The following CFH variants were observed in gnomAD, a reference collection of about 807,000 sequenced individuals.
CFH encodes the protein complement factor H, also known as H factor 1 (complement).
Under a neutral mutation model 147.3 loss-of-function variants are expected in CFH, and 53 were observed. The ratio of observed to expected loss-of-function variants is 0.36; its 90% CI spans 0.29 to 0.45. The LOEUF (loss-of-function observed/expected upper bound fraction) is 0.45, where lower values mean the gene tolerates loss of function less well. Ranked by LOEUF, CFH falls within the 20% of genes least tolerant of loss-of-function variation. The probability of loss-of-function intolerance (pLI) is 1.00; values close to 1 mark genes in which losing one functional copy is unlikely to be tolerated. For synonymous variants in CFH, 536 were observed against 489.4 expected (o/e 1.10, Z -1.26); for missense variants, 1,380 against 1,498.0 (o/e 0.92, Z 1.30).
At chr1:196,721,589 T>C (rs2149106444) in intron 11 of CFH, among the ~76,000 whole-genome samples, 1 of 152,100 alleles carries the variant, frequency 6.6e-6, no homozygotes, top group South Asian at 2.1e-4. Flanking sequence ...TACAGTCCAA[T>C]TTAAGTATGA....
At chr1:196,709,962 A>ATCACGCTACTGCAGTGAGG (rs1668685386) in intron 9 of CFH, among the ~76,000 whole-genome samples, 1 of 152,064 alleles carries the variant, frequency 6.6e-6, no homozygotes, top group African/African-American at 2.4e-5. Flanking sequence ...GTGAGCTGTG[A>ATCACGCTACTGCAGTGAGG]TCACGCTACT....
rs1437714694 is a variant in CFH at position 196,726,610 on chromosome 1, CA to C, written c.2016del (p.Gln672HisfsTer54). The stretch of plus-strand genomic sequence containing the variant: ...TCTAATGAAGGGACCTAATAAAATT[CA>C]ATGTGTTGATGGAGAGTGGACAACT... ...RFLMKGPNKIQCVDGEWTTLP... is the reference protein window; with the variant it reads ...RFLMKGPNKIXCVDGEWTTLP... On this transcript the variant is annotated frameshift_variant, in exon 13 of 22. Transcript: ENST00000367429. LOFTEE classifies it high-confidence loss of function. 1 of 1,611,982 alleles carries C rather than the reference CA, an allele frequency of 6.2e-7. No individual in the cohort carries two copies. Among genetic ancestry groups the C allele is most frequent in the Non-Finnish European group, 8.5e-7 (1 of 1,178,206 alleles).
intron 1 of CFH, among the ~76,000 whole-genome samples, chr1:196,656,405 C>T (rs1666693052): frequency 6.6e-6 from 1 of 151,766 alleles, no homozygotes; most frequent in Non-Finnish European, 1.5e-5. Context: ...GCTTAGGACA[C>T]ATAGGTCAGA....
intron 6 of CFH, among the ~76,000 whole-genome samples, chr1:196,682,931 A>G (rs1254407278): frequency 6.6e-6 from 1 of 151,568 alleles, no homozygotes; most frequent in Non-Finnish European, 1.5e-5. Flanking sequence ...CAGTGGAAGT[A>G]TGGTATTGAG....
chr1:196,674,951 A>G (rs1667405431), intron 3 of CFH, among the ~76,000 whole-genome samples: 1 of 152,182 alleles, frequency 6.6e-6, no homozygotes, highest in Non-Finnish European at 1.5e-5. Context: ...ATAATTTCTT[A>G]TGAATTTATT....
intron 1 of CFH, among the ~76,000 whole-genome samples, chr1:196,656,236 G>A (rs768378010): frequency 3.3e-5 from 5 of 151,686 alleles, no homozygotes; most frequent in South Asian, 2.1e-4. Context: ...TCAGGGAGGC[G>A]GAGGTTGCAG....
chr1:196,731,677 G>A (rs1345255369), intron 15 of CFH, among the ~76,000 whole-genome samples: 3 of 151,864 alleles, frequency 2.0e-5, no homozygotes, highest in Non-Finnish European at 4.4e-5. Flanking sequence ...TGTAAGGCAG[G>A]AAAGTGTCCT....
rs1324970206 is a variant in CFH at position 196,665,510 on chromosome 1, TTAGTC to T, written c.59-7465_59-7461del. On this transcript the variant is annotated intron_variant, in intron 1 of 21. Transcript: ENST00000367429. ...TTTAAATTTGTTTAAACCTAACTCT[TTAGTC>T]TACCTGGCATTTGTGTGCATGTGTC... 2.0e-5 allele frequency among the ~76,000 whole-genome samples: 3 copies of T among 152,116 alleles called. No individual in the cohort carries two copies. The East Asian group carries it at 5.8e-4, about 29-fold the overall frequency.
intron 1 of CFH, among the ~76,000 whole-genome samples, chr1:196,653,528 A>T (rs1433168218): frequency 6.6e-6 from 1 of 151,964 alleles, no homozygotes; most frequent in Non-Finnish European, 1.5e-5. Context: ...CTCCAGTTTT[A>T]CATAGATACC....
chr1:196,672,826 C>G (rs1667327290), intron 1 of CFH, 152 bp from the exon 2 acceptor site: 2 of 615,834 alleles, frequency 3.2e-6, no homozygotes, highest in South Asian at 4.2e-5. Context: ...TATGTTTACT[C>G]CATAGATATG....
chr1:196,695,874 G>T (rs1308208681), intron 9 of CFH, among the ~76,000 whole-genome samples: 1 of 152,096 alleles, frequency 6.6e-6, no homozygotes, highest in East Asian at 1.9e-4. Context: ...CTTTCCTGAA[G>T]TTACTTATCA....
At chr1:196,680,005 A>G (rs1667595825) in intron 6 of CFH, among the ~76,000 whole-genome samples, 1 of 151,896 alleles carries the variant, frequency 6.6e-6, no homozygotes, top group Non-Finnish European at 1.5e-5. Flanking sequence ...AAACAGGGCC[A>G]GAAAAGTTCA....
At chr1:196,699,192 C>T in intron 9 of CFH, among the ~76,000 whole-genome samples, 1 of 151,682 alleles carries the variant, frequency 6.6e-6, no homozygotes, top group Non-Finnish European at 1.5e-5. Flanking sequence ...ATGTGAGATC[C>T]AGTTGTTTCG....
At chr1:196,672,475 C>A (rs1667315554) in intron 1 of CFH, among the ~76,000 whole-genome samples, 1 of 151,296 alleles carries the variant, frequency 6.6e-6, no homozygotes, top group African/African-American at 2.4e-5. Context: ...ACTTATCATG[C>A]TAATTTTTGT....
In CFH at chr1:196,687,158, G is replaced by T. The variant is rs559948258; in HGVS notation, c.964+1921G>T. On this transcript the variant is annotated intron_variant, in intron 7 of 21. Coordinates refer to ENST00000367429, the MANE Select transcript of CFH (RefSeq NM_000186.4). The stretch of plus-strand genomic sequence containing the variant: ...AAATTACAGTATGAATATATTAGCA[G>T]CAGTTATAAAAATTAGTGAATATTT... Among the ~76,000 whole-genome samples the T allele has an allele frequency of 2.0e-5, 3 of 152,024 alleles. No homozygotes were observed. The South Asian group carries it at 6.2e-4, about 31-fold the overall frequency.
chr1:196,715,577 AT>A lies in CFH; in HGVS notation c.1520-10del. ...GATGACATTAGAAATGACATTCTAA[AT>A]TTTTTATGCACTAGAATCTTGTGAT... is the stretch of plus-strand genomic sequence containing the variant. On this transcript the variant is annotated splice_polypyrimidine_tract_variant and intron_variant, in intron 10 of 21. Coordinates refer to ENST00000367429, the MANE Select transcript of CFH (RefSeq NM_000186.4). 1.3e-6 allele frequency: 2 copies of A among 1,597,294 alleles called. No homozygotes were observed. The highest frequency in any genetic ancestry group is 1.7e-6 in the Non-Finnish European group (2 of 1,165,314).
chr1:196,689,357 T>C, intron 7 of CFH, 63 bp from the exon 8 acceptor site: 1 of 1,402,744 alleles, frequency 7.1e-7, no homozygotes, highest in Non-Finnish European at 9.9e-7. Context: ...AAAATTTATC[T>C]CTAATATGAG....
intron 1 of CFH, 50 bp from the exon 2 acceptor site, chr1:196,672,928 T>C (rs767373625): frequency 2.2e-5 from 33 of 1,482,310 alleles, no homozygotes; most frequent in Non-Finnish European, 3.0e-5. Flanking sequence ...AAATATACTG[T>C]ACATTTAAAT....
At chr1:196,661,364 TC>T (rs753315055) in intron 1 of CFH, among the ~76,000 whole-genome samples, 2 of 152,236 alleles carry the variant, frequency 1.3e-5, no homozygotes, top group Non-Finnish European at 2.9e-5. Context: ...AAAACTTTTT[TC>T]TTTGGGCTGC....
Sources: allele counts gnomAD v4.1 joint callset (sites outside exome capture counted in the v4.1 genomes callset), GRCh38; gene constraint gnomAD v4.1.1; transcripts MANE v1.5; gene names NCBI Gene and HGNC (gene_info 2026-07-23, HGNC 2026-07-21).